MTHFD2L: variants seen among roughly 807,000 people sequenced by gnomAD.
MTHFD2L encodes the protein methylenetetrahydrofolate dehydrogenase (NADP+ dependent) 2 like.
In MTHFD2L, 29 loss-of-function variants were observed where a neutral mutation model predicts 34.9. That is an observed-to-expected ratio of 0.83 (90% CI 0.62 to 1.13). The LOEUF (loss-of-function observed/expected upper bound fraction) is 1.13. Ranked by LOEUF, MTHFD2L falls within the 50% of genes most tolerant of loss-of-function variation. The pLI is 0.00. For synonymous variants in MTHFD2L, 167 were observed against 155.7 expected, an observed-to-expected ratio of 1.07 and a Z score of -0.54; for missense variants, 481 against 446.5, an observed-to-expected ratio of 1.08 and a Z score of -0.70.
In MTHFD2L at chr4:74,134,918, G is replaced by A. The variant is rs1476010697; in HGVS notation, c.-297+9401G>A. Among the ~76,000 whole-genome samples, 4 of 151,214 alleles carry A rather than the reference G, an allele frequency of 2.6e-5. No individual in the cohort carries two copies. The East Asian group carries it at 7.7e-4, about 29-fold the overall frequency. ...TGGCTGTTAAAAAATAAACAGAGGA[G>A]AGAAAAGAAAAAAAGAATGAAAATG... is the stretch of plus-strand genomic sequence containing the variant. On this transcript the variant is annotated intron_variant, in intron 1 of 7. Transcript: ENST00000433372.
intron 1 of MTHFD2L, chr4:74,161,022 T>A (rs1725329529): frequency 6.6e-6 from 1 of 152,212 alleles, no homozygotes; most frequent in Non-Finnish European, 1.5e-5. Flanking sequence ...AATCGTTAAT[T>A]TGGTAGATTC....
intron 6 of MTHFD2L, among the ~76,000 whole-genome samples, chr4:74,276,166 T>C (rs1746620467): frequency 2.0e-5 from 3 of 152,134 alleles, no homozygotes; most frequent in South Asian, 2.1e-4. Flanking sequence ...CAAAACATTC[T>C]ACAGAATCAG....
At chr4:74,233,051 A>G (rs1740320571) in intron 6 of MTHFD2L, among the ~76,000 whole-genome samples, 1 of 152,184 alleles carries the variant, frequency 6.6e-6, no homozygotes, top group African/African-American at 2.4e-5. Flanking sequence ...CTTATATTCT[A>G]AAAACAAATG....
chr4:74,263,055 A>G (rs546608468), intron 6 of MTHFD2L, among the ~76,000 whole-genome samples: 43 of 151,972 alleles, frequency 2.8e-4, no homozygotes, highest in African/African-American at 9.6e-4. Context: ...GTTACACCTT[A>G]GTAGTTTCAA....
At chr4:74,249,450 G>A (rs1361596861) in intron 6 of MTHFD2L, among the ~76,000 whole-genome samples, 4 of 152,106 alleles carry the variant, frequency 2.6e-5, no homozygotes, top group Non-Finnish European at 5.9e-5. Context: ...GCCAGTCTGT[G>A]TCTTTTAGTT....
At chr4:74,135,873 AT>A (rs1200827851) in intron 1 of MTHFD2L, among the ~76,000 whole-genome samples, 1 of 152,186 alleles carries the variant, frequency 6.6e-6, no homozygotes, top group Non-Finnish European at 1.5e-5. Flanking sequence ...AATGAGAATC[AT>A]ATAATTATTT....
chr4:74,282,637 A>T (rs908414481), intron 7 of MTHFD2L, among the ~76,000 whole-genome samples: 2 of 152,094 alleles, frequency 1.3e-5, no homozygotes, highest in African/African-American at 4.8e-5. Flanking sequence ...ATTTGAGCCT[A>T]AAAGAAAAAG....
At chr4:74,223,255 A>G (rs1738546001) in intron 5 of MTHFD2L, among the ~76,000 whole-genome samples, 1 of 151,982 alleles carries the variant, frequency 6.6e-6, no homozygotes, top group Non-Finnish European at 1.5e-5. Context: ...ACATACACAC[A>G]CACACATACA....
rs3832298 is a variant in MTHFD2L at position 74,281,324 on chromosome 4, C to CGTGTGTGTGTGTGTGTGTGTGT, written c.806-96_806-75dup. The CGTGTGTGTGTGTGTGTGTGTGT allele has an allele frequency of 1.3e-4, 117 of 867,676 alleles. 1 individual carries two copies. In the African/African-American group the frequency reaches 1.8e-3, roughly 13 times the overall value. The allele number at this position is 867,676 out of a possible 1,614,324, so 53.7% of individuals were successfully genotyped here. The stretch of plus-strand genomic sequence containing the variant: ...TTTAAGGAACAATGTATTACACATA[C>CGTGTGTGTGTGTGTGTGTGTGT]GTGTGTGTGTGTGTGTGTGTGTGTG... On this transcript the variant is annotated intron_variant, in intron 6 of 7. Transcript: ENST00000325278.
At chr4:74,175,216 G>A in intron 2 of MTHFD2L, 65 bp from the exon 3 acceptor site, 2 of 1,548,038 alleles carry the variant, frequency 1.3e-6, no homozygotes, top group Non-Finnish European at 1.8e-6. Context: ...CACTGTGTCA[G>A]ACACTATTGA....
chr4:74,191,633 C>T (rs546267044), intron 3 of MTHFD2L, among the ~76,000 whole-genome samples: 1 of 152,216 alleles, frequency 6.6e-6, no homozygotes, highest in Admixed American at 6.5e-5. Context: ...TCACTGCAAC[C>T]TTCGCTTCCC....
chr4:74,152,313 T>C (rs1318725074), intron 1 of MTHFD2L, among the ~76,000 whole-genome samples: 1 of 152,152 alleles, frequency 6.6e-6, no homozygotes, highest in Non-Finnish European at 1.5e-5. Context: ...GCTTTATAGT[T>C]GTATTTGATT....
chr4:74,270,832 G>A (rs961566438), intron 6 of MTHFD2L, among the ~76,000 whole-genome samples: 14 of 152,094 alleles, frequency 9.2e-5, no homozygotes, highest in African/African-American at 3.4e-4. Flanking sequence ...TCCAGCACCT[G>A]TTGTTTCCTG....
intron 1 of MTHFD2L, among the ~76,000 whole-genome samples, chr4:74,163,505 A>G (rs530339191): frequency 6.6e-6 from 1 of 152,348 alleles, no homozygotes; most frequent in Admixed American, 6.5e-5. Flanking sequence ...GATACGAAGA[A>G]GAGTCATATA....
chr4:74,254,885 A>G (rs1743802100), intron 6 of MTHFD2L, among the ~76,000 whole-genome samples: 3 of 152,140 alleles, frequency 2.0e-5, no homozygotes, highest in South Asian at 2.1e-4. Context: ...CTGTAATCCT[A>G]GCACTTTGGG....
At chr4:74,272,511 C>T (rs1199660005) in intron 6 of MTHFD2L, among the ~76,000 whole-genome samples, 1 of 151,860 alleles carries the variant, frequency 6.6e-6, no homozygotes, top group Non-Finnish European at 1.5e-5. Context: ...CATTTTTTCC[C>T]TTTATTTTTA....
intron 1 of MTHFD2L, chr4:74,161,160 G>A (rs920953280): frequency 6.6e-6 from 1 of 152,138 alleles, no homozygotes; most frequent in African/African-American, 2.4e-5. Flanking sequence ...TTTGCAGCTA[G>A]ACCACATTTT....
chr4:74,165,811 A>G (rs193024778), intron 1 of MTHFD2L, among the ~76,000 whole-genome samples: 8 of 152,346 alleles, frequency 5.3e-5, no homozygotes, highest in Admixed American at 3.9e-4. Flanking sequence ...TCTTAATTCT[A>G]CATTTTGCAC....
At chr4:74,246,381 C>G (rs1439602711) in intron 6 of MTHFD2L, among the ~76,000 whole-genome samples, 2 of 151,684 alleles carry the variant, frequency 1.3e-5, no homozygotes, top group South Asian at 2.1e-4. Context: ...GATATTGGCC[C>G]TTTGTCAGAT....
Sources: allele counts gnomAD v4.1 joint callset (sites outside exome capture counted in the v4.1 genomes callset), GRCh38; gene constraint gnomAD v4.1.1; transcripts MANE v1.5; gene names NCBI Gene and HGNC (gene_info 2026-07-23, HGNC 2026-07-21).